Variants in C12orf75 observed in about 807,000 individuals in gnomAD.
C12orf75 encodes the protein overexpressed in colon carcinoma 1 protein.
In C12orf75, 4 loss-of-function variants were observed where a neutral mutation model predicts 11.4. That is an observed-to-expected ratio of 0.35 (90% CI 0.17 to 0.80). The LOEUF (loss-of-function observed/expected upper bound fraction) is 0.80. C12orf75 is among the 30% of genes least tolerant of loss of function. The pLI is 0.52. For synonymous variants in C12orf75, 30 were observed against 30.0 expected, an observed-to-expected ratio of 1.00 and a Z score of 0.00; for missense variants, 89 against 80.4, an observed-to-expected ratio of 1.11 and a Z score of -0.41.
rs1566144781 is a variant in C12orf75, at chr12:105,371,270, AC to A, written c.*671del. On this transcript the variant is annotated 3_prime_UTR_variant, in exon 6 of 6. Transcript: ENST00000443585. ...TGCATGCCATATGCACATTTTGATT[AC>A]ATTTTTATTTTCTTTCGTGAAAGGC... The A allele has an allele frequency of 6.6e-6, 1 of 152,380 alleles. No individual in the cohort carries two copies. The highest frequency in any genetic ancestry group is 1.9e-4 in the East Asian group (1 of 5,206). The allele number at this position is 152,380 out of a possible 1,614,324, so 9.4% of individuals were successfully genotyped here.
intron 2 of C12orf75, among the ~76,000 whole-genome samples, chr12:105,362,162 G>A (rs1348803648): frequency 2.0e-5 from 3 of 151,884 alleles, no homozygotes; most frequent in Non-Finnish European, 2.9e-5. Flanking sequence ...CGAGGCGGGC[G>A]GATCACGAGG....
chr12:105,370,244 G>T (rs1452623511), intron 5 of C12orf75, among the ~76,000 whole-genome samples: 1 of 152,184 alleles, frequency 6.6e-6, no homozygotes, highest in African/African-American at 2.4e-5. Context: ...AGAATCCCGT[G>T]GGGGAGTGCC....
At chr12:105,331,133 A>G (rs1892416884) in intron 1 of C12orf75, among the ~76,000 whole-genome samples, 196 bp downstream of exon 1, 1 of 151,834 alleles carries the variant, frequency 6.6e-6, no homozygotes, top group Non-Finnish European at 1.5e-5. Context: ...CGCCTGGAGC[A>G]GTCGAGCCTG....
intron 2 of C12orf75, among the ~76,000 whole-genome samples, chr12:105,352,755 T>C (rs1892728949): frequency 6.6e-6 from 1 of 152,132 alleles, no homozygotes; most frequent in African/African-American, 2.4e-5. Context: ...TAACGATGCA[T>C]GTAAATCCTA....
In C12orf75 at chr12:105,340,430, CAA is replaced by C. The variant is rs60658476; in HGVS notation, c.47-8153_47-8152del. Among the ~76,000 whole-genome samples the C allele has an allele frequency of 7.0e-3, 811 of 115,368 alleles. 7 individuals carry two copies. Among genetic ancestry groups the C allele is most frequent in the African/African-American group, 0.02 (609 of 29,942 alleles). 75.7% of individuals were successfully genotyped at this position (115,368 alleles called of 152,430 possible). On this transcript the variant is annotated intron_variant, in intron 1 of 5. Transcript: ENST00000443585. ...ACAGAGTGAGACTCCGTGCCCCCGCCAAAAAAAAAAAAAAAAAAAATTTACTC... is the reference window on the plus strand; with the variant it reads ...ACAGAGTGAGACTCCGTGCCCCCGCCAAAAAAAAAAAAAAAAAATTTACTC...
intron 1 of C12orf75, among the ~76,000 whole-genome samples, chr12:105,346,109 A>G (rs1230984465): frequency 1.3e-5 from 2 of 152,148 alleles, no homozygotes; most frequent in African/African-American, 2.4e-5. Context: ...CTTTCAACCA[A>G]TTGCCAATCA....
intron 1 of C12orf75, among the ~76,000 whole-genome samples, chr12:105,341,937 C>G (rs1393579235): frequency 6.6e-6 from 1 of 152,208 alleles, no homozygotes; most frequent in Non-Finnish European, 1.5e-5. Flanking sequence ...GCTCTCTTGC[C>G]TGCTGCCATG....
intron 1 of C12orf75, among the ~76,000 whole-genome samples, chr12:105,343,597 G>T (rs997490526): frequency 6.6e-6 from 1 of 152,120 alleles, no homozygotes. Flanking sequence ...TGCAGTGAGG[G>T]TAATTTTATT....
chr12:105,365,765 A>G (rs375577197), intron 2 of C12orf75, 42 bp from the exon 3 acceptor site: 37 of 1,446,730 alleles, frequency 2.6e-5, no homozygotes, highest in South Asian at 9.8e-5. Flanking sequence ...GTCCCCGACT[A>G]TGTAACCAAG....
chr12:105,330,860 TC>T lies in C12orf75; in HGVS notation c.-30del. On this transcript the variant is annotated 5_prime_UTR_variant, in exon 1 of 6. Transcript: ENST00000443585. The stretch of plus-strand genomic sequence containing the variant: ...GCCCCCAGGACCCGCGGCCGAGAGC[TC>T]CGGAGCGCGGCTTCCCCGGCCGGCT... 1 of 1,251,958 alleles carries T rather than the reference TC, an allele frequency of 8.0e-7. No homozygotes were observed. Among genetic ancestry groups the T allele is most frequent in the South Asian group, 3.2e-5 (1 of 31,490 alleles). The allele number at this position is 1,251,958 out of a possible 1,614,324, so 77.6% of individuals were successfully genotyped here.
intron 1 of C12orf75, among the ~76,000 whole-genome samples, chr12:105,332,044 G>A (rs1030578376): frequency 1.3e-5 from 2 of 152,148 alleles, no homozygotes; most frequent in Non-Finnish European, 2.9e-5. Flanking sequence ...TCCTGTCCTG[G>A]TGACAATGCA....
At chr12:105,359,727 C>CA (rs1365033046) in intron 2 of C12orf75, among the ~76,000 whole-genome samples, 1 of 146,002 alleles carries the variant, frequency 6.8e-6, no homozygotes, top group Non-Finnish European at 1.5e-5. Flanking sequence ...ACTGAGATCA[C>CA]ACCACTGCAC....
intron 2 of C12orf75, among the ~76,000 whole-genome samples, chr12:105,358,704 A>T (rs930219030): frequency 2.6e-5 from 4 of 152,332 alleles, no homozygotes; most frequent in Admixed American, 6.5e-5. Context: ...AGAGAAAGCA[A>T]TTTACCGATA....
intron 1 of C12orf75, among the ~76,000 whole-genome samples, chr12:105,333,772 A>G (rs542574220): frequency 6.6e-6 from 1 of 152,328 alleles, no homozygotes; most frequent in South Asian, 2.1e-4. Context: ...CTATATAATA[A>G]TATTATTATC....
rs1214512527 is a variant in C12orf75, at chr12:105,348,588, C to G, written c.47-14C>G. ...TATCACACCAATACAAACCTATCTT[C>G]TTTTTTTCTCTAGGCCCTGCAGGAG... On this transcript the variant is annotated splice_polypyrimidine_tract_variant and intron_variant, in intron 1 of 5. Transcript: ENST00000443585. The G allele has an allele frequency of 1.3e-6, 2 of 1,526,338 alleles. No homozygotes were observed. Among genetic ancestry groups the G allele is most frequent in the Non-Finnish European group, 1.8e-6 (2 of 1,130,322 alleles). The allele number at this position is 1,526,338 out of a possible 1,614,324, so 94.5% of individuals were successfully genotyped here.
chr12:105,355,888 G>A (rs77925912), intron 2 of C12orf75, among the ~76,000 whole-genome samples: 8,345 of 152,274 alleles, frequency 0.055, 280 homozygotes, highest in African/African-American at 0.073. Context: ...AGAGAGGACA[G>A]GGAATTTGCA....
intron 2 of C12orf75, 67 bp from the exon 3 acceptor site, chr12:105,365,740 A>G: frequency 8.8e-7 from 1 of 1,141,666 alleles, no homozygotes; most frequent in East Asian, 2.6e-5. Context: ...CCTTTTTCTC[A>G]TAACCAAAAA....
chr12:105,352,268 C>G (rs1023828646), intron 2 of C12orf75, among the ~76,000 whole-genome samples: 1 of 152,000 alleles, frequency 6.6e-6, no homozygotes, highest in African/African-American at 2.4e-5. Flanking sequence ...TTCAGTTGAG[C>G]AGGGTGAATG....
rs573122068 is a variant in C12orf75, at chr12:105,331,236, C to T, written c.46+299C>T. Among the ~76,000 whole-genome samples the T allele has an allele frequency of 2.0e-5, 3 of 152,070 alleles. No homozygotes were observed. The South Asian group carries it at 6.2e-4, about 32-fold the overall frequency. On this transcript the variant is annotated intron_variant, in intron 1 of 5. Coordinates refer to ENST00000443585, the MANE Select transcript of C12orf75 (RefSeq NM_001145199.2). ...CCTGCAGCTGGCGGGTCTCAGGGCT[C>T]TCCTGGGGGAGAGGATTCCCGGACG...
Sources: gnomAD v4.1 joint callset for allele counts (sites outside exome capture counted in the v4.1 genomes callset) on GRCh38, gnomAD v4.1.1 for gene constraint, MANE v1.5 for transcripts, NCBI Gene and HGNC (gene_info 2026-07-23, HGNC 2026-07-21) for gene names.